Variants in NLRP14 observed in about 807,000 individuals in gnomAD.
NLRP14 encodes NACHT, LRR and PYD domains-containing protein 14.
In NLRP14, 105 loss-of-function variants were observed where a neutral mutation model predicts 94.7. That is an observed-to-expected ratio of 1.11 (90% confidence interval 0.95 to 1.30). The LOEUF is 1.30. NLRP14 is among the 50% of genes most tolerant of loss of function. The pLI, the probability that NLRP14 is intolerant of heterozygous loss-of-function variation, is 0.00. For missense variants in NLRP14, 1,362 were observed against 1,254.1 expected, an observed-to-expected ratio of 1.09 and a Z score of -1.30; for synonymous variants, 508 against 459.9, an observed-to-expected ratio of 1.10 and a Z score of -1.34.
intron 1 of NLRP14, among the ~76,000 whole-genome samples, chr11:7,036,632 A>T (rs1007283606): frequency 6.6e-6 from 1 of 152,180 alleles, no homozygotes; most frequent in African/African-American, 2.4e-5. Flanking sequence ...TCCTGCTTAC[A>T]GATGGGAAAA....
chr11:7,035,838 A>G lies in NLRP14; in HGVS notation c.-21-2728A>G, dbSNP rs146061062. ...AGCATAGGGTCTGCTATCACAGAGC[A>G]TGGCCACACAGATTTTGTATAACTC... On this transcript the variant is annotated intron_variant, in intron 1 of 11. Transcript: ENST00000299481. Among the ~76,000 whole-genome samples the G allele has an allele frequency of 2.6e-3, 394 of 152,338 alleles. 3 individuals are homozygous for G. Among genetic ancestry groups the G allele is most frequent in the African/African-American group, 9.3e-3 (386 of 41,584 alleles).
chr11:7,043,007 A>G lies in NLRP14; in HGVS notation c.981A>G (p.Leu327=), dbSNP rs138358686. ...TGAAGAATCACCATTATGTAGAGCTACTAGGAATGTCTGAGGATGCAAGAG... is the reference window on the plus strand; with the variant it reads ...TGAAGAATCACCATTATGTAGAGCTGCTAGGAATGTCTGAGGATGCAAGAG... ...QLLKNHHYVE[L]LGMSEDAREE... is the part of the protein sequence containing the mutation. The change falls in exon 4 of 12, where the codon CTA becomes CTG. Residue 327 remains leucine (L), a synonymous_variant. Coordinates refer to ENST00000299481, the MANE Select transcript of NLRP14 (RefSeq NM_176822.4). The G allele has an allele frequency of 2.9e-5, 47 of 1,614,072 alleles. No individual in the cohort carries two copies. The highest frequency in any genetic ancestry group is 3.7e-5 in the Non-Finnish European group (44 of 1,180,030).
chr11:7,080,410 C>T, the NLRP14 span, among the ~76,000 whole-genome samples: 1 of 152,206 alleles, frequency 6.6e-6, no homozygotes, highest in African/African-American at 2.4e-5. Context: ...TAATTCATTA[C>T]AACCATTCAC....
chr11:7,062,414 G>A lies in NLRP14; in HGVS notation c.2886G>A (p.Leu962=). Residue 962 remains leucine, a synonymous_variant, in exon 10 of 12, where the codon CTG becomes CTA. Transcript: ENST00000299481. The stretch of plus-strand genomic sequence containing the variant: ...TGAATAACCCAAACCTGAGGAGCCT[G>A]GACCTTGGGAACAACGATTTGCAGG... The part of the protein sequence containing the change: ...VILNNPNLRS[L]DLGNNDLQDD... The A allele has an allele frequency of 6.2e-7, 1 of 1,613,178 alleles. No homozygotes were observed. Among genetic ancestry groups the A allele is most frequent in the Non-Finnish European group, 8.5e-7 (1 of 1,179,370 alleles).
intron 1 of NLRP14, among the ~76,000 whole-genome samples, chr11:7,026,133 A>C (rs934681064): frequency 6.6e-6 from 1 of 152,236 alleles, no homozygotes; most frequent in African/African-American, 2.4e-5. Flanking sequence ...AGCAATGGCA[A>C]CAAAAGCCAA....
At chr11:7,029,557 T>C (rs1196654559) in intron 1 of NLRP14, among the ~76,000 whole-genome samples, 1 of 152,226 alleles carries the variant, frequency 6.6e-6, no homozygotes, top group Admixed American at 6.5e-5. Flanking sequence ...GCACACGTCC[T>C]TCCAAAACAA....
the NLRP14 span, among the ~76,000 whole-genome samples, chr11:7,078,219 A>G: frequency 2.6e-5 from 4 of 151,846 alleles, no homozygotes; most frequent in Non-Finnish European, 5.9e-5. Context: ...CGGGTGGATC[A>G]CGAGGTCAGG....
rs546224109 is a variant in NLRP14 at position 7,071,118 on chromosome 11, G to A, written c.3147-55G>A. The A allele has an allele frequency of 1.6e-4, 258 of 1,598,752 alleles. No homozygotes were observed. The African/African-American group carries it at 3.2e-3, about 20-fold the overall frequency. The stretch of plus-strand genomic sequence containing the variant: ...GAAATAAATCCTTTACAGAGAAAGT[G>A]GAGGGCTGTAGGGAAATTGAATGCA... On this transcript the variant is annotated intron_variant, in intron 11 of 11. Coordinates refer to ENST00000299481, the MANE Select transcript of NLRP14 (RefSeq NM_176822.4).
chr11:7,032,644 G>A (rs1449716380), intron 1 of NLRP14, among the ~76,000 whole-genome samples: 1 of 152,066 alleles, frequency 6.6e-6, no homozygotes, highest in Non-Finnish European at 1.5e-5. Context: ...TTCCTGGTTT[G>A]CATTAGTTGT....
rs180696464 is a variant in NLRP14, at chr11:7,030,128, G to T, written c.-21-8438G>T. Among the ~76,000 whole-genome samples, 94 of 152,332 alleles carry T rather than the reference G, an allele frequency of 6.2e-4. 1 individual carries two copies. The highest frequency in any genetic ancestry group is 5.8e-4 in the East Asian group (3 of 5,194). The stretch of plus-strand genomic sequence containing the variant: ...TTAGAAAAAGGAAGCCATCAGAACA[G>T]AGCATCCATTTACCCATGTGATCCA... On this transcript the variant is annotated intron_variant, in intron 1 of 11. Transcript: ENST00000299481.
Position 7,043,464 on chromosome 11 carries a change from C to T in NLRP14, c.1438C>T (p.His480Tyr). The T allele has an allele frequency of 6.2e-7, 1 of 1,614,194 alleles. No individual in the cohort carries two copies. The highest frequency in any genetic ancestry group is 8.5e-7 in the Non-Finnish European group (1 of 1,180,038). Residue 480 changes from histidine (H) to tyrosine (Y), a missense_variant, in exon 4 of 12, where the codon CAC (histidine) becomes TAC (tyrosine). Transcript: ENST00000299481. ...GTATGAAAACTGCTATGTGTTCACC[C>T]ACCTTCATGTTCAGGAGTTTTTTGC... ...AEYENCYVFT[H>Y]LHVQEFFAAM...
At chr11:7,089,635 G>T in the NLRP14 span, 9 of 1,287,526 alleles carry the variant, frequency 7.0e-6, no homozygotes, top group Admixed American at 1.3e-4. Flanking sequence ...CCGGCTCGCA[G>T]CAGCGGCGGT....
chr11:7,080,095 C>A, the NLRP14 span, among the ~76,000 whole-genome samples: 1 of 152,178 alleles, frequency 6.6e-6, no homozygotes, highest in African/African-American at 2.4e-5. Context: ...GACAAGGAAA[C>A]TTCAGCAAGC....
In NLRP14 at chr11:7,042,487, T is replaced by A. The variant is rs1323632659; in HGVS notation, c.461T>A (p.Ile154Asn). 2 of 1,614,124 alleles carry A rather than the reference T, an allele frequency of 1.2e-6. No individual in the cohort carries two copies. The highest frequency in any genetic ancestry group is 2.7e-5 in the African/African-American group (2 of 75,076). Residue 154 changes from isoleucine to asparagine, a missense_variant, in exon 4 of 12, where the codon ATT becomes AAT. Coordinates refer to ENST00000299481, the MANE Select transcript of NLRP14 (RefSeq NM_176822.4). ...AGKPEDFHHGIAEKDRKLLEH... is the reference protein window; with the variant it reads ...AGKPEDFHHGNAEKDRKLLEH... ...AAGCCTGAAGATTTCCATCATGGAATTGCAGAGAAAGATAGAAAACTGTTG... is the reference window on the plus strand; with the variant it reads ...AAGCCTGAAGATTTCCATCATGGAAATGCAGAGAAAGATAGAAAACTGTTG...
chr11:7,045,438 C>A (rs1445682493), intron 4 of NLRP14, among the ~76,000 whole-genome samples: 5 of 151,892 alleles, frequency 3.3e-5, no homozygotes, highest in Non-Finnish European at 5.9e-5. Context: ...GCCAGAGAAC[C>A]CAATGTTTTA....
intron 5 of NLRP14, among the ~76,000 whole-genome samples, chr11:7,049,026 G>A (rs1210491082): frequency 1.3e-5 from 2 of 151,906 alleles, no homozygotes; most frequent in African/African-American, 2.4e-5. Flanking sequence ...GGTGGAGGGT[G>A]GGTGGTGGGC....
intron 7 of NLRP14, 94 bp from the exon 8 acceptor site, chr11:7,058,186 G>C (rs1185489799): frequency 1.0e-6 from 1 of 995,658 alleles, no homozygotes; most frequent in Admixed American, 1.7e-5. Flanking sequence ...GTTGAGGTAT[G>C]GGGGTTATAA....
intron 1 of NLRP14, among the ~76,000 whole-genome samples, chr11:7,030,495 C>A (rs1852074592): frequency 6.6e-6 from 1 of 152,122 alleles, no homozygotes; most frequent in Admixed American, 6.5e-5. Context: ...TCTTGCTATT[C>A]AAAGAGAAAT....
Position 7,042,966 on chromosome 11 carries a change from A to T in NLRP14, c.940A>T (p.Arg314Ter), listed in dbSNP as rs952657093. Residue 314 changes from arginine to a stop codon, truncating the protein, a stop_gained, in exon 4 of 12, where the codon AGA becomes TGA. Coordinates refer to ENST00000299481, the MANE Select transcript of NLRP14 (RefSeq NM_176822.4). LOFTEE classifies it high-confidence loss of function. ...LVTTRLTTSK[R>*]LKQLLKNHHY... is the part of the protein sequence containing the mutation. ...GACAACAAGACTCACAACTTCTAAGAGACTAAAGCAGTTGTTGAAGAATCA... is the reference window on the plus strand; with the variant it reads ...GACAACAAGACTCACAACTTCTAAGTGACTAAAGCAGTTGTTGAAGAATCA... 2 of 1,614,120 alleles carry T rather than the reference A, an allele frequency of 1.2e-6. No homozygotes were observed. Among genetic ancestry groups the T allele is most frequent in the East Asian group, 4.5e-5 (2 of 44,874 alleles).
Sources: gnomAD v4.1 joint callset for allele counts (sites outside exome capture counted in the v4.1 genomes callset) on GRCh38, gnomAD v4.1.1 for gene constraint, MANE v1.5 for transcripts, NCBI Gene and HGNC (gene_info 2026-07-23, HGNC 2026-07-21) for gene names.